The following FBXO28 variants were observed in gnomAD, a reference collection of about 807,000 sequenced individuals.
FBXO28 encodes F-box only protein 28.
A neutral mutation model predicts 38.1 loss-of-function variants in FBXO28; 8 were observed. The ratio of observed to expected loss-of-function variants is 0.21; its 90% CI spans 0.12 to 0.38. The LOEUF (loss-of-function observed/expected upper bound fraction) is 0.38. Among genes scored for constraint, FBXO28 ranks in the 10% least tolerant of loss-of-function variants. The probability of loss-of-function intolerance (pLI) is 1.00; values close to 1 mark genes in which losing one functional copy is unlikely to be tolerated. For synonymous variants in FBXO28, 168 were observed against 173.8 expected (o/e 0.97, Z 0.26); for missense variants, 345 against 460.6 (o/e 0.75, Z 2.30).
chr1:224,137,370 A>G (rs1657217406), intron 3 of FBXO28, among the ~76,000 whole-genome samples: 3 of 151,530 alleles, frequency 2.0e-5, no homozygotes, highest in Non-Finnish European at 4.4e-5. Flanking sequence ...TAAAAATACA[A>G]AAATTAGCTG....
At chr1:224,116,667 C>T (rs1287738082) in intron 1 of FBXO28, among the ~76,000 whole-genome samples, 1 of 152,078 alleles carries the variant, frequency 6.6e-6, no homozygotes, top group South Asian at 2.1e-4. Context: ...TTATTGGAAC[C>T]TCAGTTACAA....
intron 3 of FBXO28, among the ~76,000 whole-genome samples, chr1:224,151,153 G>T (rs1657639229): frequency 6.6e-6 from 1 of 152,156 alleles, no homozygotes; most frequent in Non-Finnish European, 1.5e-5. Context: ...AAATAAATAT[G>T]TTTTCTCCTT....
At chr1:224,122,691 A>G (rs1186744696) in intron 1 of FBXO28, among the ~76,000 whole-genome samples, 3 of 152,080 alleles carry the variant, frequency 2.0e-5, no homozygotes, top group African/African-American at 7.2e-5. Flanking sequence ...TGGTTCTGTA[A>G]TTCACATTTG....
At chr1:224,156,861 G>C in intron 4 of FBXO28, among the ~76,000 whole-genome samples, 1 of 152,048 alleles carries the variant, frequency 6.6e-6, no homozygotes. Context: ...AATTAGCCAG[G>C]CGTGGTGGCG....
rs763925424 is a variant in FBXO28, at chr1:224,134,152, A to T, written c.456A>T (p.Leu152=). ...CTGCTGTTGAAACAAGGCTGTCACT[A>T]TTAAATATGACTTTCATGAAATATG... The part of the protein sequence containing the change: ...ILAAVETRLS[L]LNMTFMKYVD... Residue 152 remains leucine (L), a synonymous_variant, in exon 3 of 5, where the codon CTA becomes CTT. Coordinates refer to ENST00000366862, the MANE Select transcript of FBXO28 (RefSeq NM_015176.4). 9 of 1,612,146 alleles carry T rather than the reference A, an allele frequency of 5.6e-6. No individual in the cohort carries two copies. The highest frequency in any genetic ancestry group is 7.6e-6 in the Non-Finnish European group (9 of 1,179,236).
rs1656980279 is a variant in FBXO28 at position 224,129,283 on chromosome 1, T to G, written c.268-1189T>G. 4.6e-5 allele frequency among the ~76,000 whole-genome samples: 7 copies of G among 152,262 alleles called. No homozygotes were observed. The South Asian group carries it at 1.5e-3, about 32-fold the overall frequency. Reference sequence around the variant, plus strand: ...TGAACCTGGGAGGCACAGGTTGCAGTGAGCTGAGATCACACCATTGCACTA... The same window carrying G: ...TGAACCTGGGAGGCACAGGTTGCAGGGAGCTGAGATCACACCATTGCACTA... On this transcript the variant is annotated intron_variant, in intron 1 of 4. Coordinates refer to ENST00000366862, the MANE Select transcript of FBXO28 (RefSeq NM_015176.4).
At chr1:224,116,592 G>A (rs551950620) in intron 1 of FBXO28, among the ~76,000 whole-genome samples, 8 of 152,188 alleles carry the variant, frequency 5.3e-5, no homozygotes, top group Non-Finnish European at 7.4e-5. Flanking sequence ...AATGTCAGTT[G>A]TTAGGTAGGA....
intron 4 of FBXO28, among the ~76,000 whole-genome samples, chr1:224,154,205 A>C (rs1657713730): frequency 6.6e-6 from 1 of 152,244 alleles, no homozygotes; most frequent in Non-Finnish European, 1.5e-5. Context: ...TCCTTAGCTT[A>C]CAGTTGGGCA....
At position 224,158,875 on chromosome 1, in the gene FBXO28, T is replaced by G. The variant is rs888303447; in HGVS notation, c.*1129T>G. 2 of 152,650 alleles carry G rather than the reference T, an allele frequency of 1.3e-5. No individual in the cohort carries two copies. The highest frequency in any genetic ancestry group is 2.9e-5 in the Non-Finnish European group (2 of 68,038). The allele number at this position is 152,650 out of a possible 1,614,324, so 9.5% of individuals were successfully genotyped here. On this transcript the variant is annotated 3_prime_UTR_variant, in exon 5 of 5. Transcript: ENST00000366862. ...ATTATTTCATTTCTGGAGGATGACC[T>G]TGAGGGAAGCTTTTTAATATTAGTT...
Position 224,117,431 on chromosome 1 carries a change from A to ATTTAT in FBXO28, c.267+3059_267+3063dup, listed in dbSNP as rs145819546. Among the ~76,000 whole-genome samples, 867 of 151,750 alleles carry ATTTAT rather than the reference A, an allele frequency of 5.7e-3. 5 individuals carry two copies. Among genetic ancestry groups the ATTTAT allele is most frequent in the African/African-American group, 0.012 (495 of 41,348 alleles). On this transcript the variant is annotated intron_variant, in intron 1 of 4. Coordinates refer to ENST00000366862, the MANE Select transcript of FBXO28 (RefSeq NM_015176.4). Reference sequence around the variant, plus strand: ...AATCCACCCACCTAGGCCTGAATTTATTTATTTTATTTTATTTTATTTTAT... The same window carrying ATTTAT: ...AATCCACCCACCTAGGCCTGAATTTATTTATTTTATTTTATTTTATTTTATTTTAT...
At chr1:224,128,250 T>TTTA (rs1558188802) in intron 1 of FBXO28, among the ~76,000 whole-genome samples, 15 of 151,342 alleles carry the variant, frequency 9.9e-5, no homozygotes, top group African/African-American at 2.7e-4. Flanking sequence ...TTATTATTTT[T>TTTA]TTTTATTTTA....
chr1:224,148,417 G>A (rs1344430609), intron 3 of FBXO28, among the ~76,000 whole-genome samples: 4 of 152,110 alleles, frequency 2.6e-5, no homozygotes, highest in East Asian at 1.9e-4. Flanking sequence ...TTGGGAGGCC[G>A]AGGCAGGCGG....
chr1:224,161,821 A>T lies in FBXO28; in HGVS notation c.*4075A>T, dbSNP rs755588085. ...AGTATATTGGTAATCTATTAGGTCC[A>T]TTGGCAAAGTATATTGGTCCATATT... is the stretch of plus-strand genomic sequence containing the variant. On this transcript the variant is annotated 3_prime_UTR_variant, in exon 5 of 5. Transcript: ENST00000366862. 2 of 152,214 alleles carry T rather than the reference A, an allele frequency of 1.3e-5. No homozygotes were observed. Among genetic ancestry groups the T allele is most frequent in the Non-Finnish European group, 2.9e-5 (2 of 68,044 alleles). The allele number at this position is 152,214 out of a possible 1,614,324, so 9.4% of individuals were successfully genotyped here. A position where few individuals can be genotyped will look rare whatever the true frequency, so the allele number is the denominator to read the frequency against.
chr1:224,139,401 A>G (rs1190264080), intron 3 of FBXO28, among the ~76,000 whole-genome samples: 2 of 151,784 alleles, frequency 1.3e-5, no homozygotes, highest in Non-Finnish European at 2.9e-5. Flanking sequence ...TTATTTGCAA[A>G]TCTAGCAGTT....
intron 2 of FBXO28, among the ~76,000 whole-genome samples, chr1:224,132,087 T>C (rs577631910): frequency 3.5e-4 from 54 of 152,158 alleles, no homozygotes; most frequent in African/African-American, 1.2e-3. Flanking sequence ...ACCCTGTCTC[T>C]ACTAAAAATA....
At chr1:224,122,117 G>A (rs564369102) in intron 1 of FBXO28, among the ~76,000 whole-genome samples, 7 of 152,320 alleles carry the variant, frequency 4.6e-5, no homozygotes, top group Admixed American at 2.0e-4. Context: ...TTTGGAAGAG[G>A]TGGGAAGTTG....
At chr1:224,145,309 AAAAAAG>A (rs1657474537) in intron 3 of FBXO28, among the ~76,000 whole-genome samples, 1 of 151,160 alleles carries the variant, frequency 6.6e-6, no homozygotes, top group South Asian at 2.1e-4. Flanking sequence ...AAAAAAAAAA[AAAAAAG>A]GAAGTGTTTT....
chr1:224,136,730 G>GA (rs879608832), intron 3 of FBXO28, among the ~76,000 whole-genome samples: 84 of 143,886 alleles, frequency 5.8e-4, no homozygotes, highest in Admixed American at 6.2e-4. Context: ...TTTGTCTCCA[G>GA]AAAAAAAAAA....
rs1423730477 is a variant in FBXO28, at chr1:224,153,354, A to G, written c.712+17A>G. 2 of 1,545,052 alleles carry G rather than the reference A, an allele frequency of 1.3e-6. No individual in the cohort carries two copies. The highest frequency in any genetic ancestry group is 1.7e-6 in the Non-Finnish European group (2 of 1,147,718). ...CTCCTCCAGGTATCTCTACTTTATA[A>G]TCATGCTTGTACATAATTTTGTAAC... is the stretch of plus-strand genomic sequence containing the variant. On this transcript the variant is annotated intron_variant, in intron 4 of 4. Coordinates refer to ENST00000366862, the MANE Select transcript of FBXO28 (RefSeq NM_015176.4).
Sources: gnomAD v4.1 joint callset for allele counts (sites outside exome capture counted in the v4.1 genomes callset) on GRCh38, gnomAD v4.1.1 for gene constraint, MANE v1.5 for transcripts, NCBI Gene and HGNC (gene_info 2026-07-23, HGNC 2026-07-21) for gene names.